The following ZC3H12B variants were observed in gnomAD, a reference collection of about 807,000 sequenced individuals.
ZC3H12B encodes the protein zinc finger CCCH-type containing 12B, also known as probable ribonuclease ZC3H12B.
In ZC3H12B, 7 loss-of-function variants were observed where a neutral mutation model predicts 43.9. The ratio of observed to expected loss-of-function variants is 0.16; its 90% CI spans 0.09 to 0.30. The LOEUF is 0.30. Among genes scored for constraint, ZC3H12B ranks in the 10% least tolerant of loss-of-function variants. The pLI is 1.00. For synonymous variants in ZC3H12B, 222 were observed against 241.7 expected, an observed-to-expected ratio of 0.92 and a Z score of 0.76; for missense variants, 475 against 670.2, an observed-to-expected ratio of 0.71 and a Z score of 3.22.
the ZC3H12B span, among the ~76,000 whole-genome samples, chrX:65,196,268 G>A: frequency 3.6e-5 from 4 of 109,646 alleles, no homozygotes; most frequent in Non-Finnish European, 7.6e-5. Context: ...TGTGAGGACC[G>A]CCCTCATGAG....
chrX:65,403,763 C>A (rs1415851096), intron 3 of ZC3H12B, among the ~76,000 whole-genome samples: 2 of 111,526 alleles, frequency 1.8e-5, no homozygotes, highest in African/African-American at 6.5e-5. Context: ...AAGACTTCCA[C>A]AGACTAACAA....
At chrX:65,171,884 A>G in the ZC3H12B span, among the ~76,000 whole-genome samples, 2 of 110,762 alleles carry the variant, frequency 1.8e-5, no homozygotes, top group African/African-American at 6.6e-5. Context: ...TGCTAAGACC[A>G]TTGGAAATGC....
At chrX:65,306,908 G>A in the ZC3H12B span, among the ~76,000 whole-genome samples, 1 of 112,372 alleles carries the variant, frequency 8.9e-6, no homozygotes, top group Non-Finnish European at 1.9e-5. Context: ...CTAAGTGAAA[G>A]AGCCTGACAA....
chrX:65,069,944 A>T, the ZC3H12B span, among the ~76,000 whole-genome samples: 1 of 110,762 alleles, frequency 9.0e-6, no homozygotes, highest in Non-Finnish European at 1.9e-5. Context: ...TGGCATCAAG[A>T]TGATGCTGGC....
intron 3 of ZC3H12B, among the ~76,000 whole-genome samples, chrX:65,480,724 T>C (rs1448911420): frequency 4.5e-5 from 5 of 110,122 alleles, no homozygotes; most frequent in Admixed American, 9.7e-5. Flanking sequence ...CGGATGTCTG[T>C]AATCCCAGCA....
chrX:65,364,736 A>C (rs182464296), upstream of ZC3H12B, among the ~76,000 whole-genome samples: 2 of 111,133 alleles, frequency 1.8e-5, no homozygotes, highest in Admixed American at 1.9e-4. Flanking sequence ...TTTCTTTTCC[A>C]TCATGGAAAT....
chrX:65,329,483 C>T, the ZC3H12B span, among the ~76,000 whole-genome samples: 1 of 89,830 alleles, frequency 1.1e-5, no homozygotes, highest in Non-Finnish European at 1.9e-5. Flanking sequence ...CGAAAATTTT[C>T]TCCCATTTTG....
chrX:65,104,889 C>G, the ZC3H12B span, among the ~76,000 whole-genome samples: 1 of 111,466 alleles, frequency 9.0e-6, no homozygotes, highest in Non-Finnish European at 1.9e-5. Context: ...TTTGACCCAG[C>G]AATCCCATTA....
chrX:65,275,220 A>G, the ZC3H12B span, among the ~76,000 whole-genome samples: 2 of 112,765 alleles, frequency 1.8e-5, no homozygotes, highest in African/African-American at 6.4e-5. Flanking sequence ...ACATGCCTTC[A>G]GGCTGGCTAT....
At chrX:65,353,142 T>A in the ZC3H12B span, among the ~76,000 whole-genome samples, 1 of 111,624 alleles carries the variant, frequency 9.0e-6, no homozygotes, top group Non-Finnish European at 1.9e-5. Flanking sequence ...ACAGACATGA[T>A]CCACTGTGTG....
intron 3 of ZC3H12B, among the ~76,000 whole-genome samples, chrX:65,449,670 C>T (rs1034078805): frequency 2.7e-5 from 3 of 110,835 alleles, no homozygotes; most frequent in Non-Finnish European, 5.7e-5. Flanking sequence ...TACTACTCTG[C>T]CATAAATGAG....
chrX:65,251,567 A>G, the ZC3H12B span, among the ~76,000 whole-genome samples: 256 of 111,702 alleles, frequency 2.3e-3, 2 homozygotes, highest in African/African-American at 7.4e-3. Context: ...CTTCCTACCC[A>G]TGATCATGGA....
the ZC3H12B span, among the ~76,000 whole-genome samples, chrX:65,133,680 G>T: frequency 1.2e-4 from 13 of 110,874 alleles, no homozygotes; most frequent in Non-Finnish European, 2.3e-4. Flanking sequence ...GGAGAGCGGA[G>T]GCTGAGGAAG....
the ZC3H12B span, among the ~76,000 whole-genome samples, chrX:65,092,732 A>G: frequency 2.7e-5 from 3 of 112,261 alleles, no homozygotes; most frequent in African/African-American, 9.7e-5. Flanking sequence ...GAGCAAACAA[A>G]TGACATAAAA....
chrX:65,391,237 T>G (rs2066611876), intron 2 of ZC3H12B, among the ~76,000 whole-genome samples: 1 of 112,308 alleles, frequency 8.9e-6, no homozygotes, highest in Middle Eastern at 4.2e-3. Context: ...AAAATCTATT[T>G]ATACCTTATT....
chrX:65,247,287 C>T, the ZC3H12B span, among the ~76,000 whole-genome samples: 2 of 111,957 alleles, frequency 1.8e-5, no homozygotes, highest in African/African-American at 3.2e-5. Flanking sequence ...ACACTGTTGG[C>T]GGGAGTGTAA....
intron 2 of ZC3H12B, among the ~76,000 whole-genome samples, chrX:65,370,354 C>A (rs1166231892): frequency 9.0e-6 from 1 of 111,120 alleles, no homozygotes; most frequent in Non-Finnish European, 1.9e-5. Flanking sequence ...TAAAGTTTGG[C>A]TATTAATTTA....
chrX:65,375,833 A>C (rs73516250), intron 2 of ZC3H12B, among the ~76,000 whole-genome samples: 1 of 111,454 alleles, frequency 9.0e-6, no homozygotes, highest in Non-Finnish European at 1.9e-5. Context: ...AGACTGGGAC[A>C]TGCTGGCTTC....
At chrX:65,342,325 C>A in the ZC3H12B span, among the ~76,000 whole-genome samples, 1 of 111,704 alleles carries the variant, frequency 9.0e-6, no homozygotes, top group South Asian at 3.7e-4. Context: ...ATCTACAGAA[C>A]TCTTCACCCC....
Sources: gnomAD v4.1 joint callset for allele counts (sites outside exome capture counted in the v4.1 genomes callset) on GRCh38, gnomAD v4.1.1 for gene constraint, MANE v1.5 for transcripts, NCBI Gene and HGNC (gene_info 2026-07-23, HGNC 2026-07-21) for gene names.